The following STX8 variants were observed in gnomAD, a reference collection of about 807,000 sequenced individuals.
STX8 encodes syntaxin 8.
STX8 carries 23 observed loss-of-function variants against 37.5 expected under a neutral mutation model. The observed-to-expected ratio is 0.61, with a 90% CI of 0.44 to 0.87. The LOEUF is 0.87. Ranked by LOEUF, STX8 falls within the 40% of genes least tolerant of loss-of-function variation. The pLI, the probability that STX8 is intolerant of heterozygous loss-of-function variation, is 0.00. For missense variants in STX8, 313 were observed against 284.7 expected (o/e 1.10, Z -0.71); for synonymous variants, 115 against 99.1 (o/e 1.16, Z -0.95).
intron 6 of STX8, among the ~76,000 whole-genome samples, chr17:9,412,556 C>T (rs543516621): frequency 2.9e-4 from 44 of 152,220 alleles, no homozygotes; most frequent in African/African-American, 9.9e-4. Context: ...AGGGATTACA[C>T]GCGTGAGCCA....
intron 6 of STX8, among the ~76,000 whole-genome samples, chr17:9,397,973 G>A (rs1388861229): frequency 7.5e-6 from 1 of 133,112 alleles, no homozygotes. Flanking sequence ...GGGGGACAGA[G>A]TGAGATTCTG....
Position 9,322,022 on chromosome 17 carries a change from C to T in STX8, c.643+56530G>A, listed in dbSNP as rs146205549. 4.2e-3 allele frequency among the ~76,000 whole-genome samples: 636 copies of T among 152,264 alleles called. 6 individuals carry two copies. Among genetic ancestry groups the T allele is most frequent in the African/African-American group, 0.014 (597 of 41,560 alleles). On this transcript the variant is annotated intron_variant, in intron 7 of 7. Transcript: ENST00000306357. Reference sequence around the variant, plus strand: ...GTAAACATGTACTCTGGAACCTGAACTTTTTGGCTCATGACTGCTAAGAAA... The same window carrying T: ...GTAAACATGTACTCTGGAACCTGAATTTTTTGGCTCATGACTGCTAAGAAA...
At chr17:9,493,938 C>A (rs1268139361) in intron 5 of STX8, among the ~76,000 whole-genome samples, 1 of 151,852 alleles carries the variant, frequency 6.6e-6, no homozygotes, top group Non-Finnish European at 1.5e-5. Context: ...TGTATAGCCA[C>A]TGAAAATCAT....
At chr17:9,418,392 C>T (rs1467998779) in intron 6 of STX8, among the ~76,000 whole-genome samples, 1 of 151,908 alleles carries the variant, frequency 6.6e-6, no homozygotes, top group Non-Finnish European at 1.5e-5. Context: ...GGGATACATC[C>T]CCATTAGGAG....
intron 6 of STX8, among the ~76,000 whole-genome samples, chr17:9,464,056 CAG>C (rs1307479246): frequency 6.6e-6 from 1 of 152,128 alleles, no homozygotes; most frequent in Non-Finnish European, 1.5e-5. Flanking sequence ...GCCTGGGTAA[CAG>C]AGCAAGACTG....
intron 4 of STX8, among the ~76,000 whole-genome samples, chr17:9,514,202 T>C (rs1905103589): frequency 6.6e-6 from 1 of 152,142 alleles, no homozygotes; most frequent in Admixed American, 6.5e-5. Flanking sequence ...ATGAAAAATG[T>C]TTGAGATTAT....
intron 5 of STX8, among the ~76,000 whole-genome samples, chr17:9,496,787 G>C (rs1904421601): frequency 6.6e-6 from 1 of 152,160 alleles, no homozygotes; most frequent in Non-Finnish European, 1.5e-5. Flanking sequence ...AGAAGGGTCA[G>C]AGAGAGATAA....
chr17:9,335,826 CACGTAG>C (rs1567788779), intron 7 of STX8, among the ~76,000 whole-genome samples: 7 of 64,948 alleles, frequency 1.1e-4, no homozygotes, highest in African/African-American at 2.9e-4. Context: ...CACACACACA[CACGTAG>C]ACACACACAC....
At chr17:9,539,665 C>T (rs567308336) in intron 4 of STX8, among the ~76,000 whole-genome samples, 5 of 141,268 alleles carry the variant, frequency 3.5e-5, no homozygotes, top group African/African-American at 1.3e-4. Flanking sequence ...CCCAACTGAC[C>T]CCCCCCACCC....
At chr17:9,417,330 A>G (rs546138436) in intron 6 of STX8, among the ~76,000 whole-genome samples, 59 of 152,298 alleles carry the variant, frequency 3.9e-4, no homozygotes, top group South Asian at 3.7e-3. Context: ...CTAAGCCTAT[A>G]AAACCATTGC....
intron 4 of STX8, among the ~76,000 whole-genome samples, chr17:9,525,082 T>C (rs536917347): frequency 2.0e-5 from 3 of 152,288 alleles, no homozygotes; most frequent in Admixed American, 2.0e-4. Context: ...GCACTGGGAT[T>C]ACAGGCGTGA....
In STX8 at chr17:9,314,900, G is replaced by A. The variant is rs547712866; in HGVS notation, c.643+63652C>T. Among the ~76,000 whole-genome samples, 214 of 149,582 alleles carry A rather than the reference G, an allele frequency of 1.4e-3. 1 individual carries two copies. Among genetic ancestry groups the A allele is most frequent in the African/African-American group, 4.5e-3 (184 of 40,922 alleles). ...GGGCAGATCACGAGGTCAAGAGATC[G>A]AGACCATCCTGGCCAACATGGTGAA... On this transcript the variant is annotated intron_variant, in intron 7 of 7. Coordinates refer to ENST00000306357, the MANE Select transcript of STX8 (RefSeq NM_004853.3).
At chr17:9,536,178 A>G (rs1450186319) in intron 4 of STX8, among the ~76,000 whole-genome samples, 2 of 152,200 alleles carry the variant, frequency 1.3e-5, no homozygotes, top group Non-Finnish European at 2.9e-5. Context: ...TCTTAGCCAT[A>G]TGAATTATAT....
At chr17:9,327,891 T>TTCCC (rs35191388) in intron 7 of STX8, among the ~76,000 whole-genome samples, 32 of 150,756 alleles carry the variant, frequency 2.1e-4, no homozygotes, top group African/African-American at 7.6e-4. Flanking sequence ...CCTTCCCTTC[T>TTCCC]TCCCTCCCTC....
intron 6 of STX8, among the ~76,000 whole-genome samples, chr17:9,386,104 CAAAAAA>C (rs57683285): frequency 2.0e-4 from 24 of 118,592 alleles, no homozygotes; most frequent in East Asian, 7.2e-4. Context: ...GCCTATTTCT[CAAAAAA>C]AAAAAAAAAA....
At chr17:9,496,494 A>G (rs1212574844) in intron 5 of STX8, among the ~76,000 whole-genome samples, 1 of 151,894 alleles carries the variant, frequency 6.6e-6, no homozygotes, top group Non-Finnish European at 1.5e-5. Flanking sequence ...AACATACCAC[A>G]CTCTATCAGT....
chr17:9,370,038 A>G (rs1567800827), intron 7 of STX8, among the ~76,000 whole-genome samples: 1 of 151,716 alleles, frequency 6.6e-6, no homozygotes, highest in Admixed American at 6.6e-5. Context: ...ACATGGTGAA[A>G]CCCCGTCTCT....
At chr17:9,303,346 C>T (rs1908852817) in intron 7 of STX8, among the ~76,000 whole-genome samples, 1 of 152,126 alleles carries the variant, frequency 6.6e-6, no homozygotes, top group Non-Finnish European at 1.5e-5. Context: ...ACCTAGACTG[C>T]TCACTCCAGA....
At chr17:9,328,359 A>T (rs1597607310) in intron 7 of STX8, among the ~76,000 whole-genome samples, 1 of 152,158 alleles carries the variant, frequency 6.6e-6, no homozygotes, top group Non-Finnish European at 1.5e-5. Flanking sequence ...AGGGTCAGAA[A>T]GAGACAGCCT....
Sources: gnomAD v4.1 joint callset for allele counts (sites outside exome capture counted in the v4.1 genomes callset) on GRCh38, gnomAD v4.1.1 for gene constraint, MANE v1.5 for transcripts, NCBI Gene and HGNC (gene_info 2026-07-23, HGNC 2026-07-21) for gene names.